Variants in JAK2 observed in about 807,000 individuals in gnomAD.
The protein encoded by JAK2 is Janus kinase 2.
In JAK2, 86 loss-of-function variants were observed where a neutral mutation model predicts 139.3. That is an observed-to-expected ratio of 0.62 (90% CI 0.52 to 0.74). The LOEUF (loss-of-function observed/expected upper bound fraction) is 0.74. JAK2 is among the 30% of genes least tolerant of loss of function. The probability of loss-of-function intolerance (pLI) is 0.00; values close to 1 mark genes in which losing one functional copy is unlikely to be tolerated. For synonymous variants in JAK2, 490 were observed against 437.7 expected (o/e 1.12, Z -1.49); for missense variants, 1,421 against 1,360.3 (o/e 1.04, Z -0.70).
chr9:5,126,761 G>A lies in JAK2; in HGVS notation c.3369G>A (p.Val1123=), dbSNP rs764584653. ...RPSFRDLALR[V]DQIRDNMAG is the part of the protein sequence containing the mutation. ...CCTTTAGGGATCTAGCTCTTCGAGT[G>A]GATCAAATAAGGGATAACATGGCTG... Residue 1123 remains valine, a synonymous_variant, in exon 25 of 25, where the codon GTG becomes GTA. Transcript: ENST00000381652. The A allele has an allele frequency of 6.2e-7, 1 of 1,609,368 alleles. No individual in the cohort carries two copies. The highest frequency in any genetic ancestry group is 1.1e-5 in the South Asian group (1 of 90,852).
rs1818053889 is a variant in JAK2 at position 5,060,104 on chromosome 9, AGTGTGC to A, written c.1056+4317_1056+4322del. 2.6e-5 allele frequency among the ~76,000 whole-genome samples: 4 copies of A among 152,232 alleles called. No individual in the cohort carries two copies. The East Asian group carries it at 7.7e-4, about 29-fold the overall frequency. On this transcript the variant is annotated intron_variant, in intron 8 of 24. Coordinates refer to ENST00000381652, the MANE Select transcript of JAK2 (RefSeq NM_004972.4). ...GTTTACACTATAATCAAGTCTACTA[AGTGTGC>A]AACAGCATTATGTCTTAAAAATTAA...
At position 5,128,865 on chromosome 9, in the gene JAK2, A is replaced by C. The variant is rs943849440; in HGVS notation, c.*2074A>C. 1.3e-5 allele frequency among the ~76,000 whole-genome samples: 2 copies of C among 152,044 alleles called. No individual in the cohort carries two copies. The highest frequency in any genetic ancestry group is 1.3e-4 in the Admixed American group (2 of 15,264). ...TTAATGCCAAAATATTTTTCACGTTAATATTCTTCAGAAACAAGGGTAAAG... is the reference window on the plus strand; with the variant it reads ...TTAATGCCAAAATATTTTTCACGTTCATATTCTTCAGAAACAAGGGTAAAG... On this transcript the variant is annotated 3_prime_UTR_variant, in exon 25 of 25. Coordinates refer to ENST00000381652, the MANE Select transcript of JAK2 (RefSeq NM_004972.4).
chr9:5,078,264 T>G, intron 15 of JAK2, 42 bp from the exon 16 acceptor site: 2 of 1,560,734 alleles, frequency 1.3e-6, no homozygotes, highest in Non-Finnish European at 1.8e-6. Flanking sequence ...CTCCAGTACT[T>G]GTGGACTGAT....
chr9:5,052,406 A>AT (rs202102423), intron 6 of JAK2, among the ~76,000 whole-genome samples: 5,623 of 151,294 alleles, frequency 0.037, 158 homozygotes, highest in Non-Finnish European at 0.057. Context: ...ATGCTGCATC[A>AT]TTTTTTTTTA....
intron 1 of JAK2, 61 bp from the exon 2 acceptor site, chr9:4,985,879 A>G (rs2274471): frequency 0.21 from 32,495 of 152,786 alleles, 3,647 homozygotes; most frequent in Middle Eastern, 0.29. Flanking sequence ...AACAGCCTAG[A>G]AAAAGCATTT....
chr9:5,059,510 T>C (rs980090372), intron 8 of JAK2, among the ~76,000 whole-genome samples: 2 of 152,142 alleles, frequency 1.3e-5, no homozygotes, highest in African/African-American at 4.8e-5. Context: ...TAGGGATAAA[T>C]TTACCATGAA....
intron 8 of JAK2, among the ~76,000 whole-genome samples, chr9:5,063,409 G>C (rs779231384): frequency 6.6e-6 from 1 of 152,118 alleles, no homozygotes; most frequent in African/African-American, 2.4e-5. Context: ...TTGTAGTGTG[G>C]ACTGGAAGTT....
intron 22 of JAK2, among the ~76,000 whole-genome samples, chr9:5,117,482 C>T (rs117635926): frequency 6.6e-6 from 1 of 152,100 alleles, no homozygotes. Flanking sequence ...GTTATTTGCT[C>T]TTTTCACTCA....
At chr9:5,041,879 C>G (rs550899269) in intron 4 of JAK2, 49 of 434,790 alleles carry the variant, frequency 1.1e-4, no homozygotes, top group African/African-American at 9.7e-4. Context: ...GCCACTCCAG[C>G]GCCCATCAGG....
intron 15 of JAK2, among the ~76,000 whole-genome samples, 175 bp downstream of exon 15, chr9:5,077,755 A>C (rs1819405882): frequency 6.6e-6 from 1 of 152,226 alleles, no homozygotes; most frequent in Admixed American, 6.5e-5. Flanking sequence ...TGTATGTAAA[A>C]TCACTTTTGA....
chr9:5,120,308 C>G (rs1823518243), intron 22 of JAK2, among the ~76,000 whole-genome samples: 1 of 152,232 alleles, frequency 6.6e-6, no homozygotes, highest in African/African-American at 2.4e-5. Context: ...AAGGCCCCAC[C>G]TGTTAATACC....
At chr9:5,122,189 C>G (rs1823670938) in intron 22 of JAK2, among the ~76,000 whole-genome samples, 2 of 152,034 alleles carry the variant, frequency 1.3e-5, no homozygotes, top group Non-Finnish European at 2.9e-5. Flanking sequence ...TTTTTAATAT[C>G]AGTCTAAAAC....
chr9:4,991,466 G>A (rs997621906), intron 2 of JAK2, among the ~76,000 whole-genome samples: 1 of 152,120 alleles, frequency 6.6e-6, no homozygotes, highest in Non-Finnish European at 1.5e-5. Context: ...GTGAGTAAGT[G>A]CACTGTTTTG....
chr9:5,011,502 T>C (rs1415854666), intron 2 of JAK2, among the ~76,000 whole-genome samples: 1 of 152,252 alleles, frequency 6.6e-6, no homozygotes, highest in African/African-American at 2.4e-5. Flanking sequence ...GATTTCTTGA[T>C]ATTGTAGAGT....
chr9:5,126,263 G>A, intron 23 of JAK2, 70 bp from the exon 24 acceptor site: 1 of 1,098,792 alleles, frequency 9.1e-7, no homozygotes, highest in East Asian at 2.5e-5. Context: ...CCCATTGACT[G>A]GAGGAAATTG....
At chr9:5,064,618 A>G (rs916412132) in intron 8 of JAK2, among the ~76,000 whole-genome samples, 4 of 152,250 alleles carry the variant, frequency 2.6e-5, no homozygotes, top group African/African-American at 4.8e-5. Context: ...GATAACTGGT[A>G]TATTAGTCTA....
intron 2 of JAK2, among the ~76,000 whole-genome samples, chr9:5,004,478 T>A (rs992257524): frequency 3.3e-5 from 5 of 152,210 alleles, no homozygotes; most frequent in African/African-American, 1.2e-4. Context: ...CTTCTTTTTT[T>A]AAGGCTGAAT....
rs150532604 is a variant in JAK2 at position 5,010,479 on chromosome 9, C to T, written c.-25-11484C>T. ...GGGATTACAGGCGTGTACCACTATG[C>T]CCGGCTAATTTTTATATTTTTAGTA... On this transcript the variant is annotated intron_variant, in intron 2 of 24. Transcript: ENST00000381652. Among the ~76,000 whole-genome samples the T allele has an allele frequency of 6.9e-3, 1,050 of 152,200 alleles. 23 individuals carry two copies. Among genetic ancestry groups the T allele is most frequent in the African/African-American group, 0.024 (1,004 of 41,520 alleles).
In JAK2 at chr9:5,081,753, G is replaced by T. The variant is rs752612217; in HGVS notation, c.2463G>T (p.Met821Ile). 1.4e-5 allele frequency: 22 copies of T among 1,599,746 alleles called. No individual in the cohort carries two copies. The highest frequency in any genetic ancestry group is 1.7e-5 in the Admixed American group (1 of 59,982). The change falls in exon 19 of 25, where the codon ATG (methionine) becomes ATT (isoleucine). Residue 821 changes from methionine to isoleucine, a missense_variant. By Grantham distance (10) the Met-to-Ile change is conservative. Transcript: ENST00000381652. ...ATGAACTATTAACAGAAAATGACATGTTACCAAATATGAGGATAGGTGCCC... is the reference window on the plus strand; with the variant it reads ...ATGAACTATTAACAGAAAATGACATTTTACCAAATATGAGGATAGGTGCCC... Reference protein sequence around the residue: ...PDYELLTENDMLPNMRIGALG... With the variant: ...PDYELLTENDILPNMRIGALG...
Sources: allele counts gnomAD v4.1 joint callset (sites outside exome capture counted in the v4.1 genomes callset), GRCh38; gene constraint gnomAD v4.1.1; transcripts MANE v1.5; gene names NCBI Gene and HGNC (gene_info 2026-07-23, HGNC 2026-07-21).